PCDH15: variants seen among roughly 807,000 people sequenced by gnomAD.
PCDH15 encodes the protein protocadherin-15.
In PCDH15, 129 loss-of-function variants were observed where a neutral mutation model predicts 178.5. That is an observed-to-expected ratio of 0.72 (90% CI 0.63 to 0.84). The LOEUF (loss-of-function observed/expected upper bound fraction) is 0.84. PCDH15 is among the 40% of genes least tolerant of loss of function. The pLI, the probability that PCDH15 is intolerant of heterozygous loss-of-function variation, is 0.00. For synonymous variants in PCDH15, 800 were observed against 732.0 expected, an observed-to-expected ratio of 1.09 and a Z score of -1.50; for missense variants, 2,230 against 2,099.9, an observed-to-expected ratio of 1.06 and a Z score of -1.21.
intron 1 of PCDH15, among the ~76,000 whole-genome samples, chr10:54,784,226 A>G (rs1950628388): frequency 1.3e-5 from 2 of 152,036 alleles, no homozygotes; most frequent in Non-Finnish European, 2.9e-5. Flanking sequence ...CGGCCTAACC[A>G]TATCTCCACT....
chr10:54,267,431 G>A (rs1051279565), intron 8 of PCDH15, among the ~76,000 whole-genome samples: 4 of 151,692 alleles, frequency 2.6e-5, no homozygotes, highest in South Asian at 2.1e-4. Context: ...CAGAATGATC[G>A]ACCAACAGCA....
At chr10:54,377,872 AT>A (rs538016510) in intron 4 of PCDH15, among the ~76,000 whole-genome samples, 1 of 151,576 alleles carries the variant, frequency 6.6e-6, no homozygotes, top group East Asian at 1.9e-4. Flanking sequence ...ATACCTATTA[AT>A]TTTTTTTTAA....
chr10:54,804,275 G>C (rs1016997014), upstream of PCDH15, among the ~76,000 whole-genome samples: 16 of 152,106 alleles, frequency 1.1e-4, no homozygotes, highest in Non-Finnish European at 4.4e-5. Flanking sequence ...TCCTGACCTC[G>C]TGATCCTCCC....
chr10:54,904,328 A>G (rs1954685774), intron 2 of PCDH15, among the ~76,000 whole-genome samples: 1 of 152,058 alleles, frequency 6.6e-6, no homozygotes, highest in Non-Finnish European at 1.5e-5. Context: ...AATACCTCCA[A>G]TAGATTTTCA....
chr10:55,259,600 C>G (rs569053639), intron 1 of PCDH15, among the ~76,000 whole-genome samples: 27 of 152,116 alleles, frequency 1.8e-4, no homozygotes, highest in African/African-American at 6.5e-4. Flanking sequence ...AGCAAGTATA[C>G]ACATTTTAAA....
At chr10:54,313,777 A>G (rs938012758) in intron 8 of PCDH15, among the ~76,000 whole-genome samples, 8 of 152,118 alleles carry the variant, frequency 5.3e-5, no homozygotes, top group South Asian at 2.1e-4. Flanking sequence ...TTATTACCCC[A>G]AATTGAAAGT....
In PCDH15 at chr10:55,237,518, A is replaced by G. The variant is rs1362931104; in HGVS notation, c.-155-70867T>C. Reference sequence around the variant, plus strand: ...TACTTGGTCAGTCACTCATACTGTTAGTAGGAGAGATTTCAGTAGATTATC... The same window carrying G: ...TACTTGGTCAGTCACTCATACTGTTGGTAGGAGAGATTTCAGTAGATTATC... On this transcript the variant is annotated intron_variant, in intron 1 of 5. Transcript: ENST00000458638. Among the ~76,000 whole-genome samples, 8 of 152,234 alleles carry G rather than the reference A, an allele frequency of 5.3e-5. No homozygotes were observed. In the South Asian group the frequency reaches 1.2e-3, roughly 24 times the overall value.
chr10:54,387,523 C>T (rs1451755669), intron 3 of PCDH15, among the ~76,000 whole-genome samples: 12 of 152,124 alleles, frequency 7.9e-5, no homozygotes, highest in Non-Finnish European at 1.3e-4. Flanking sequence ...CCCAATACTT[C>T]CATATATTTT....
chr10:55,155,919 C>A (rs1163552287), intron 2 of PCDH15, among the ~76,000 whole-genome samples: 1 of 152,090 alleles, frequency 6.6e-6, no homozygotes, highest in African/African-American at 2.4e-5. Flanking sequence ...AGATATTTTT[C>A]ACTAAGCCTC....
intron 26 of PCDH15, among the ~76,000 whole-genome samples, chr10:53,883,568 C>T (rs2080885981): frequency 6.6e-6 from 1 of 152,168 alleles, no homozygotes; most frequent in Admixed American, 6.6e-5. Flanking sequence ...ACTAGTTCCT[C>T]ACAAATGTCC....
intron 13 of PCDH15, among the ~76,000 whole-genome samples, chr10:54,162,505 C>G (rs1410675959): frequency 6.6e-6 from 1 of 152,122 alleles, no homozygotes; most frequent in Non-Finnish European, 1.5e-5. Context: ...GGAGAGCACA[C>G]AAACAAAGAT....
chr10:53,809,279 C>T (rs764301714), intron 37 of PCDH15: 1 of 1,613,958 alleles, frequency 6.2e-7, no homozygotes, highest in South Asian at 1.1e-5. Flanking sequence ...CTTTCTGTTG[C>T]TTCCTCTTGG....
rs542624442 is a variant in PCDH15, at chr10:55,022,859, C to T, written c.-79-125359G>A. 8.0e-5 allele frequency among the ~76,000 whole-genome samples: 12 copies of T among 150,514 alleles called. No homozygotes were observed. The East Asian group carries it at 1.6e-3, about 20-fold the overall frequency. On this transcript the variant is annotated intron_variant, in intron 2 of 5. Coordinates refer to the PCDH15 transcript ENST00000458638. ...CTGAGTAGCTGGGACTACAGGCGCC[C>T]GCCACCATGACTGGCTAAATGAATT...
intron 2 of PCDH15, among the ~76,000 whole-genome samples, chr10:54,899,887 T>C (rs549843678): frequency 1.3e-5 from 2 of 152,070 alleles, no homozygotes; most frequent in Non-Finnish European, 2.9e-5. Flanking sequence ...GAAAATAATT[T>C]TTAGAGTTGC....
At chr10:54,386,982 A>C (rs1445331988) in intron 3 of PCDH15, among the ~76,000 whole-genome samples, 2 of 152,154 alleles carry the variant, frequency 1.3e-5, no homozygotes, top group Admixed American at 6.6e-5. Context: ...GAAAATTGCT[A>C]AGAGAGTAGA....
At chr10:53,859,647 C>T (rs2078975491) in intron 27 of PCDH15, among the ~76,000 whole-genome samples, 1 of 151,962 alleles carries the variant, frequency 6.6e-6, no homozygotes, top group Non-Finnish European at 1.5e-5. Flanking sequence ...AATTATCTGA[C>T]TCTTGCAGCG....
intron 2 of PCDH15, among the ~76,000 whole-genome samples, chr10:55,331,894 C>T (rs1844209318): frequency 6.6e-6 from 1 of 151,964 alleles, no homozygotes; most frequent in South Asian, 2.1e-4. Flanking sequence ...AATATGACAG[C>T]GTTCCATGAT....
intron 18 of PCDH15, among the ~76,000 whole-genome samples, chr10:54,042,313 C>A (rs1225044008): frequency 6.6e-6 from 1 of 152,004 alleles, no homozygotes; most frequent in African/African-American, 2.4e-5. Context: ...CTAAGTGATG[C>A]AGCTAGAATT....
At chr10:54,565,583 G>A (rs562873733) in intron 2 of PCDH15, among the ~76,000 whole-genome samples, 1 of 152,174 alleles carries the variant, frequency 6.6e-6, no homozygotes. Context: ...TGTCAACAAT[G>A]GGAGAGAAAA....
Sources: gnomAD v4.1 joint callset for allele counts (sites outside exome capture counted in the v4.1 genomes callset) on GRCh38, gnomAD v4.1.1 for gene constraint, MANE v1.5 for transcripts, NCBI Gene and HGNC (gene_info 2026-07-23, HGNC 2026-07-21) for gene names.